Variants in EFNA5 observed in about 807,000 individuals in gnomAD.
EFNA5 encodes the protein ephrin-A5.
Under a neutral mutation model 22.9 loss-of-function variants are expected in EFNA5, and 5 were observed. The observed-to-expected ratio is 0.22, with a 90% CI of 0.11 to 0.46. The LOEUF (loss-of-function observed/expected upper bound fraction) is 0.46, where lower values mean the gene tolerates loss of function less well. Ranked by LOEUF, EFNA5 falls within the 20% of genes least tolerant of loss-of-function variation. EFNA5 has a pLI of 0.99. For synonymous variants in EFNA5, 113 were observed against 112.2 expected, an observed-to-expected ratio of 1.01 and a Z score of -0.04; for missense variants, 237 against 293.3, an observed-to-expected ratio of 0.81 and a Z score of 1.40.
chr5:107,455,331 C>T (rs753201523), intron 1 of EFNA5, among the ~76,000 whole-genome samples: 1 of 152,212 alleles, frequency 6.6e-6, no homozygotes, highest in Non-Finnish European at 1.5e-5. Context: ...TCTACTCCCC[C>T]TCTTCACTCG....
intron 1 of EFNA5, 86 bp downstream of exon 1, chr5:107,670,403 T>C (rs912684256): frequency 1.4e-6 from 2 of 1,431,352 alleles, no homozygotes; most frequent in Non-Finnish European, 1.8e-6. Context: ...CCGCCAGCGG[T>C]TGGTGCGCGC....
chr5:107,395,161 C>T (rs933540360), intron 2 of EFNA5, among the ~76,000 whole-genome samples: 28 of 150,986 alleles, frequency 1.9e-4, no homozygotes, highest in African/African-American at 6.8e-4. Flanking sequence ...GTCTCAGCCT[C>T]CTGAGTAGCT....
At chr5:107,486,404 C>T (rs1746621257) in intron 1 of EFNA5, among the ~76,000 whole-genome samples, 1 of 152,056 alleles carries the variant, frequency 6.6e-6, no homozygotes, top group Non-Finnish European at 1.5e-5. Context: ...ACAAGACACA[C>T]CCATAAGAAA....
intron 1 of EFNA5, among the ~76,000 whole-genome samples, chr5:107,443,335 T>C (rs17533511): frequency 0.11 from 16,488 of 152,204 alleles, 958 homozygotes; most frequent in African/African-American, 0.14. Context: ...GAGAAATTTC[T>C]TGGGTGTTGC....
At chr5:107,393,345 T>C (rs1390329010) in intron 2 of EFNA5, among the ~76,000 whole-genome samples, 5 of 152,346 alleles carry the variant, frequency 3.3e-5, no homozygotes, top group Middle Eastern at 3.4e-3. Context: ...TTCTTCTTCA[T>C]GAAGAACCAA....
At chr5:107,494,584 A>T (rs1746918963) in intron 1 of EFNA5, among the ~76,000 whole-genome samples, 3 of 152,240 alleles carry the variant, frequency 2.0e-5, no homozygotes, top group African/African-American at 7.2e-5. Flanking sequence ...GAGTGCAGGC[A>T]CACGGCACGG....
chr5:107,545,126 G>A (rs904946840), intron 1 of EFNA5, among the ~76,000 whole-genome samples: 2 of 152,208 alleles, frequency 1.3e-5, no homozygotes, highest in African/African-American at 4.8e-5. Flanking sequence ...GGAAATAAAA[G>A]TCACACATCG....
In EFNA5 at chr5:107,661,125, AAAAG is replaced by A. The variant is rs1440703982; in HGVS notation, c.125+9360_125+9363del. The stretch of plus-strand genomic sequence containing the variant: ...TTTCATCTGTCTGTTAAAAAAAAAA[AAAAG>A]AAGAAGAAGAAGAAGAAAAAAAAAG... On this transcript the variant is annotated intron_variant, in intron 1 of 4. Transcript: ENST00000333274. Among the ~76,000 whole-genome samples the A allele has an allele frequency of 3.5e-3, 475 of 134,590 alleles. 1 individual carries two copies. The highest frequency in any genetic ancestry group is 9.3e-3 in the African/African-American group (358 of 38,496). 88.3% of individuals were successfully genotyped at this position (134,590 alleles called of 152,430 possible).
chr5:107,438,956 G>A (rs1481818682), intron 1 of EFNA5, among the ~76,000 whole-genome samples: 1 of 152,196 alleles, frequency 6.6e-6, no homozygotes, highest in Non-Finnish European at 1.5e-5. Context: ...GAAGCATAGA[G>A]CATCAGGTTA....
chr5:107,562,828 G>C lies in EFNA5; in HGVS notation c.125+107661C>G, dbSNP rs147105033. Among the ~76,000 whole-genome samples, 1,078 of 152,276 alleles carry C rather than the reference G, an allele frequency of 7.1e-3. 12 individuals are homozygous for C. Among genetic ancestry groups the C allele is most frequent in the African/African-American group, 0.024 (1,017 of 41,562 alleles). ...TTGGAAACAATATATTGGTGTATGA[G>C]CTTATAAAGCCAAATTATTCTTAGC... On this transcript the variant is annotated intron_variant, in intron 1 of 4. Transcript: ENST00000333274.
intron 1 of EFNA5, among the ~76,000 whole-genome samples, chr5:107,643,526 T>G (rs1750568420): frequency 2.0e-5 from 3 of 151,980 alleles, no homozygotes; most frequent in Admixed American, 6.5e-5. Context: ...CCCAAAAGGG[T>G]CCCATGGTCC....
At chr5:107,432,153 G>C (rs1054649464) in intron 1 of EFNA5, among the ~76,000 whole-genome samples, 1 of 152,210 alleles carries the variant, frequency 6.6e-6, no homozygotes, top group Non-Finnish European at 1.5e-5. Context: ...CTGGAAAGCT[G>C]AGGGGTGTGT....
chr5:107,645,152 T>A (rs1032555476), intron 1 of EFNA5, among the ~76,000 whole-genome samples: 1 of 152,218 alleles, frequency 6.6e-6, no homozygotes, highest in African/African-American at 2.4e-5. Flanking sequence ...GTCAATTATA[T>A]AATGCCATGA....
intron 2 of EFNA5, among the ~76,000 whole-genome samples, chr5:107,390,789 A>C (rs1393527028): frequency 6.6e-6 from 1 of 152,200 alleles, no homozygotes; most frequent in Non-Finnish European, 1.5e-5. Flanking sequence ...GTCGATGTTG[A>C]AAGTTGATAA....
chr5:107,625,488 A>G (rs2112532055), intron 1 of EFNA5, among the ~76,000 whole-genome samples: 1 of 152,280 alleles, frequency 6.6e-6, no homozygotes, highest in East Asian at 1.9e-4. Flanking sequence ...TAAACTACAA[A>G]ACATGTTATA....
intron 1 of EFNA5, among the ~76,000 whole-genome samples, chr5:107,477,253 T>C (rs1391669663): frequency 2.0e-5 from 3 of 152,192 alleles, no homozygotes; most frequent in Non-Finnish European, 4.4e-5. Flanking sequence ...AATCATAATA[T>C]TAACATATAG....
At chr5:107,502,269 C>G (rs1747152734) in intron 1 of EFNA5, among the ~76,000 whole-genome samples, 1 of 152,206 alleles carries the variant, frequency 6.6e-6, no homozygotes. Flanking sequence ...TCATGACTCA[C>G]TGCAACAGGA....
At chr5:107,550,596 A>G (rs1193122961) in intron 1 of EFNA5, among the ~76,000 whole-genome samples, 1 of 152,230 alleles carries the variant, frequency 6.6e-6, no homozygotes. Context: ...TTAATAAGGC[A>G]GTTATAATTT....
At chr5:107,396,861 G>C (rs895241983) in intron 2 of EFNA5, among the ~76,000 whole-genome samples, 2 of 152,108 alleles carry the variant, frequency 1.3e-5, no homozygotes, top group Non-Finnish European at 2.9e-5. Context: ...AGTGTGAGCA[G>C]TGAGCATGCT....
Sources: allele counts gnomAD v4.1 joint callset (sites outside exome capture counted in the v4.1 genomes callset), GRCh38; gene constraint gnomAD v4.1.1; transcripts MANE v1.5; gene names NCBI Gene and HGNC (gene_info 2026-07-23, HGNC 2026-07-21).